Variants in FOXP1 observed in about 807,000 individuals in gnomAD.
FOXP1 encodes the protein forkhead box protein P1.
In FOXP1, 15 loss-of-function variants were observed where a neutral mutation model predicts 98.2. The observed-to-expected ratio is 0.15, with a 90% CI of 0.10 to 0.24. The LOEUF (loss-of-function observed/expected upper bound fraction) is 0.24. FOXP1 is among the 10% of genes least tolerant of loss of function. FOXP1 has a pLI of 1.00. For missense variants in FOXP1, 633 were observed against 848.5 expected (o/e 0.75, Z 3.15); for synonymous variants, 371 against 314.5 (o/e 1.18, Z -1.90).
chr3:70,976,898 T>C (rs751962965), intron 17 of FOXP1, 43 bp downstream of exon 17: 3 of 1,384,802 alleles, frequency 2.2e-6, no homozygotes, highest in Non-Finnish European at 3.1e-6. Context: ...AACTGTTCTA[T>C]GAACGTCAAG....
At chr3:71,531,532 A>G (rs1054612653) in intron 2 of FOXP1, among the ~76,000 whole-genome samples, 3 of 152,208 alleles carry the variant, frequency 2.0e-5, no homozygotes, top group African/African-American at 7.2e-5. Context: ...GGAAACAAAC[A>G]AATAAGTGAG....
chr3:71,486,987 C>G (rs1323073251), intron 3 of FOXP1, among the ~76,000 whole-genome samples: 2 of 152,134 alleles, frequency 1.3e-5, no homozygotes, highest in Non-Finnish European at 2.9e-5. Flanking sequence ...CCGGTCAGCA[C>G]CCGGCATGTA....
intron 2 of FOXP1, among the ~76,000 whole-genome samples, chr3:71,532,794 C>T (rs569533460): frequency 2.0e-5 from 3 of 152,126 alleles, no homozygotes; most frequent in Admixed American, 6.5e-5. Context: ...CAGAAAGTGC[C>T]GTAAGCAACA....
At chr3:71,413,129 C>T (rs867878581) in intron 3 of FOXP1, among the ~76,000 whole-genome samples, 3 of 147,842 alleles carry the variant, frequency 2.0e-5, no homozygotes, top group East Asian at 1.9e-4. Flanking sequence ...CACACACACA[C>T]GCACCCCCAA....
chr3:70,988,142 T>C, intron 13 of FOXP1, 65 bp from the exon 14 acceptor site: 1 of 1,339,614 alleles, frequency 7.5e-7, no homozygotes, highest in Non-Finnish European at 1.1e-6. Context: ...ACACCAAAAA[T>C]GATACATATT....
At chr3:71,365,608 G>A (rs954656952) in intron 3 of FOXP1, among the ~76,000 whole-genome samples, 3 of 152,214 alleles carry the variant, frequency 2.0e-5, no homozygotes, top group Admixed American at 6.5e-5. Context: ...CTGGAAGAGT[G>A]AGACAGAAAT....
At chr3:71,375,391 T>C (rs1043430239) in intron 3 of FOXP1, among the ~76,000 whole-genome samples, 1 of 152,230 alleles carries the variant, frequency 6.6e-6, no homozygotes, top group Non-Finnish European at 1.5e-5. Context: ...CAGTGTGATA[T>C]GAGCAAGAAA....
At chr3:71,105,925 T>C (rs1189881714) in intron 7 of FOXP1, among the ~76,000 whole-genome samples, 1 of 152,164 alleles carries the variant, frequency 6.6e-6, no homozygotes, top group Non-Finnish European at 1.5e-5. Flanking sequence ...ATATGGAAAA[T>C]AGCGTAATTT....
chr3:71,057,110 G>A (rs1473574821), intron 7 of FOXP1, among the ~76,000 whole-genome samples: 1 of 152,046 alleles, frequency 6.6e-6, no homozygotes, highest in Non-Finnish European at 1.5e-5. Context: ...GCGGCTAAAG[G>A]CACACAAGAG....
At chr3:71,130,349 T>G in intron 6 of FOXP1, 1 of 700,498 alleles carries the variant, frequency 1.4e-6, no homozygotes, top group Non-Finnish European at 2.4e-6. Flanking sequence ...AAGCCTCTGA[T>G]GGAGAGAGGA....
intron 3 of FOXP1, among the ~76,000 whole-genome samples, chr3:71,397,023 T>TATGTGTATATATATATATATACAC (rs1553871544): frequency 7.9e-4 from 19 of 24,060 alleles, no homozygotes; most frequent in Non-Finnish European, 1.9e-3. Context: ...TATATATATA[T>TATGTGTATATATATATATATACAC]ACATATATAT....
chr3:71,581,912 A>T (rs1025937324), intron 1 of FOXP1: 130 of 983,726 alleles, frequency 1.3e-4, no homozygotes, highest in Non-Finnish European at 1.5e-4. Flanking sequence ...CCCGAGCCAA[A>T]GTCTCAGCAC....
chr3:71,441,430 C>T (rs146292396), intron 3 of FOXP1, among the ~76,000 whole-genome samples: 51 of 152,348 alleles, frequency 3.3e-4, no homozygotes, highest in African/African-American at 1.2e-3. Flanking sequence ...AGCAGCTCTG[C>T]TCCAGATTGG....
At chr3:70,982,136 C>G (rs778266376) in intron 14 of FOXP1, among the ~76,000 whole-genome samples, 4 of 152,130 alleles carry the variant, frequency 2.6e-5, no homozygotes, top group Non-Finnish European at 5.9e-5. Flanking sequence ...AACCTGCTCT[C>G]TTAATTAAGG....
At chr3:71,387,623 T>C (rs986155727) in intron 3 of FOXP1, among the ~76,000 whole-genome samples, 3 of 152,242 alleles carry the variant, frequency 2.0e-5, no homozygotes, top group Admixed American at 1.3e-4. Flanking sequence ...TAAAAATGTA[T>C]CAACTTCTTG....
At chr3:70,997,197 G>A (rs563389791) in intron 13 of FOXP1, among the ~76,000 whole-genome samples, 5 of 152,332 alleles carry the variant, frequency 3.3e-5, no homozygotes, top group Admixed American at 6.5e-5. Flanking sequence ...ACGGAAATAG[G>A]CTGTTTGACG....
chr3:71,019,715 CAGCT>C (rs1461506154), intron 11 of FOXP1, among the ~76,000 whole-genome samples: 2 of 152,036 alleles, frequency 1.3e-5, no homozygotes, highest in Admixed American at 1.3e-4. Context: ...CCTATAATCC[CAGCT>C]ACTCAGGAGT....
chr3:71,130,706 G>A lies in FOXP1; in HGVS notation c.181-18069C>T. On this transcript the variant is annotated intron_variant, in intron 6 of 20. Transcript: ENST00000649528. ...CATTGCCCTTTGTAGGCAACCTCAG[G>A]GAGGTTTGCCTCCACAGTAGCTGGC... 5 of 1,545,492 alleles carry A rather than the reference G, an allele frequency of 3.2e-6. No homozygotes were observed. The South Asian group carries it at 4.6e-5, about 14-fold the overall frequency.
rs957659039 is a variant in FOXP1, at chr3:71,004,304, T to TA, written c.975-3246dup. 4.3e-3 allele frequency among the ~76,000 whole-genome samples: 642 copies of TA among 149,746 alleles called. 1 individual carries two copies. The highest frequency in any genetic ancestry group is 0.012 in the African/African-American group (480 of 40,952). Reference sequence around the variant, plus strand: ...AGCCTGTTATAATCAAGGAGATTAGTAAAAAAAAAATGATTTTGCCTTATT... The same window carrying TA: ...AGCCTGTTATAATCAAGGAGATTAGTAAAAAAAAAAATGATTTTGCCTTATT... On this transcript the variant is annotated intron_variant, in intron 12 of 20. Coordinates refer to ENST00000649528, the MANE Select transcript of FOXP1 (RefSeq NM_001349338.3).
Sources: allele counts gnomAD v4.1 joint callset (sites outside exome capture counted in the v4.1 genomes callset), GRCh38; gene constraint gnomAD v4.1.1; transcripts MANE v1.5; gene names NCBI Gene and HGNC (gene_info 2026-07-23, HGNC 2026-07-21).